EPC1: variants seen among roughly 807,000 people sequenced by gnomAD.
The protein encoded by EPC1 is enhancer of polycomb homolog 1.
A neutral mutation model predicts 98.4 loss-of-function variants in EPC1; 12 were observed. The observed-to-expected ratio is 0.12, with a 90% CI of 0.08 to 0.20. The LOEUF is 0.20. Ranked by LOEUF, EPC1 falls within the 10% of genes least tolerant of loss-of-function variation. EPC1 has a pLI of 1.00. For missense variants in EPC1, 729 were observed against 990.5 expected, an observed-to-expected ratio of 0.74 and a Z score of 3.54; for synonymous variants, 357 against 363.9, an observed-to-expected ratio of 0.98 and a Z score of 0.21.
intron 1 of EPC1, among the ~76,000 whole-genome samples, chr10:32,322,649 C>A (rs1349234424): frequency 6.6e-6 from 1 of 152,038 alleles, no homozygotes; most frequent in Non-Finnish European, 1.5e-5. Context: ...AAAATATAAA[C>A]CTTTAGGATT....
intron 2 of EPC1, among the ~76,000 whole-genome samples, chr10:32,294,103 A>G (rs909190633): frequency 6.6e-6 from 1 of 152,208 alleles, no homozygotes; most frequent in Non-Finnish European, 1.5e-5. Context: ...TCACATAGGC[A>G]ATTTTTATAA....
chr10:32,298,552 AG>A (rs1403182240), intron 2 of EPC1, among the ~76,000 whole-genome samples: 3 of 152,134 alleles, frequency 2.0e-5, no homozygotes, highest in Non-Finnish European at 4.4e-5. Flanking sequence ...GCAGCAGAAA[AG>A]ACTGTTGTGA....
chr10:32,304,510 GACTGCACA>G (rs1398819118), intron 2 of EPC1, among the ~76,000 whole-genome samples: 2 of 152,246 alleles, frequency 1.3e-5, no homozygotes, highest in African/African-American at 4.8e-5. Context: ...AACAAAACGT[GACTGCACA>G]AGTAGACTAG....
chr10:32,370,446 C>A (rs1387415688), intron 1 of EPC1, among the ~76,000 whole-genome samples: 1 of 152,216 alleles, frequency 6.6e-6, no homozygotes, highest in Non-Finnish European at 1.5e-5. Flanking sequence ...GCTAGGATCC[C>A]ATGGACAACT....
intron 1 of EPC1, among the ~76,000 whole-genome samples, chr10:32,319,568 T>G (rs1042260137): frequency 6.6e-6 from 1 of 152,062 alleles, no homozygotes; most frequent in Non-Finnish European, 1.5e-5. Flanking sequence ...AACTTCAATA[T>G]GAGAAAACAT....
At chr10:32,279,169 GA>G (rs1836263982) in intron 10 of EPC1, among the ~76,000 whole-genome samples, 1 of 151,956 alleles carries the variant, frequency 6.6e-6, no homozygotes, top group Non-Finnish European at 1.5e-5. Context: ...CCAATATGGT[GA>G]AACCCCGTCT....
At chr10:32,296,918 AAATTATTAAATAG>A (rs1371265832) in intron 2 of EPC1, among the ~76,000 whole-genome samples, 8 of 152,116 alleles carry the variant, frequency 5.3e-5, no homozygotes, top group African/African-American at 1.9e-4. Flanking sequence ...AAAAAAAAAA[AAATTATTAAATAG>A]GAAGAGTACC....
intron 1 of EPC1, among the ~76,000 whole-genome samples, chr10:32,330,139 T>C (rs750881284): frequency 2.4e-4 from 37 of 152,168 alleles, no homozygotes; most frequent in Admixed American, 2.4e-3. Flanking sequence ...AGTGACACAA[T>C]GAGATTTCCT....
At chr10:32,279,763 G>A (rs754843787) in intron 10 of EPC1, among the ~76,000 whole-genome samples, 2 of 151,976 alleles carry the variant, frequency 1.3e-5, no homozygotes, top group African/African-American at 2.4e-5. Context: ...TGCATAGTCA[G>A]TCACTGAACA....
At chr10:32,319,358 A>G (rs1836744972) in intron 1 of EPC1, among the ~76,000 whole-genome samples, 1 of 152,200 alleles carries the variant, frequency 6.6e-6, no homozygotes. Flanking sequence ...GAAAGTAACA[A>G]GAAGGATGTA....
At position 32,271,679 on chromosome 10, in the gene EPC1, T is replaced by C; in HGVS notation, c.2244A>G (p.Pro748=). Residue 748 remains proline, a synonymous_variant, in exon 13 of 14, where the codon CCA becomes CCG. Coordinates refer to ENST00000319778, the MANE Select transcript of EPC1 (RefSeq NM_001272004.3). The part of the protein sequence containing the change: ...SSVATVNSIA[P]INARHIPRTL... ...TCCTAGGTATATGTCGTGCATTTATTGGGGCAATAGAGTTTACAGTGGCAA... is the reference window on the plus strand; with the variant it reads ...TCCTAGGTATATGTCGTGCATTTATCGGGGCAATAGAGTTTACAGTGGCAA... The C allele has an allele frequency of 6.2e-7, 1 of 1,614,192 alleles. No individual in the cohort carries two copies. The highest frequency in any genetic ancestry group is 1.3e-5 in the African/African-American group (1 of 75,042).
rs757634561 is a variant in EPC1, at chr10:32,293,066, T to G, written c.588A>C (p.Gln196His). The G allele has an allele frequency of 6.2e-7, 1 of 1,613,550 alleles. No individual in the cohort carries two copies. The change falls in exon 4 of 14, where the codon CAA becomes CAC. Residue 196 changes from glutamine (Q) to histidine (H), a missense_variant. Physicochemically the swap from Gln to His is conservative, Grantham distance 24. Coordinates refer to ENST00000319778, the MANE Select transcript of EPC1 (RefSeq NM_001272004.3). ...TTGTGCTGGAACCATCTCGCTTCTC[T>G]TGTTTTACTGATGGAATAAGAGATG... ...RGPSLIPSVK[Q>H]EKRDGSSTND...
chr10:32,306,372 T>C (rs1835877083), intron 1 of EPC1, among the ~76,000 whole-genome samples: 1 of 152,224 alleles, frequency 6.6e-6, no homozygotes, highest in Non-Finnish European at 1.5e-5. Flanking sequence ...ATCAACTAAA[T>C]ATGGTTTCTT....
chr10:32,343,328 A>C (rs1419127824), intron 1 of EPC1, among the ~76,000 whole-genome samples: 1 of 152,146 alleles, frequency 6.6e-6, no homozygotes, highest in Admixed American at 6.6e-5. Flanking sequence ...CTCCTGCCTC[A>C]GCCTCCCGAA....
chr10:32,345,362 G>A (rs1838696191), intron 1 of EPC1: 1 of 985,232 alleles, frequency 1.0e-6, no homozygotes, highest in African/African-American at 1.7e-5. Context: ...ACTTTAAAAG[G>A]TTAAACAACC....
At chr10:32,376,503 T>A (rs1839874958) in intron 1 of EPC1, among the ~76,000 whole-genome samples, 1 of 152,072 alleles carries the variant, frequency 6.6e-6, no homozygotes, top group South Asian at 2.1e-4. Flanking sequence ...AAAACTAGCC[T>A]TGATGGGGCA....
chr10:32,354,086 C>T (rs960464380), intron 1 of EPC1, among the ~76,000 whole-genome samples: 1 of 152,102 alleles, frequency 6.6e-6, no homozygotes, highest in Non-Finnish European at 1.5e-5. Context: ...GAGGTCTGTA[C>T]ATAATCTTTA....
chr10:32,310,369 T>C (rs531398010), intron 1 of EPC1, among the ~76,000 whole-genome samples: 24 of 152,310 alleles, frequency 1.6e-4, no homozygotes, highest in African/African-American at 5.5e-4. Context: ...CCACGTGGGA[T>C]TGTGGTTAAC....
chr10:32,287,360 A>G, intron 6 of EPC1, 86 bp from the exon 7 acceptor site: 1 of 1,341,082 alleles, frequency 7.5e-7, no homozygotes, highest in Non-Finnish European at 1.0e-6. Context: ...AAAGAAGTTT[A>G]TTGCTATAAT....
Sources: allele counts gnomAD v4.1 joint callset (sites outside exome capture counted in the v4.1 genomes callset), GRCh38; gene constraint gnomAD v4.1.1; transcripts MANE v1.5; gene names NCBI Gene and HGNC (gene_info 2026-07-23, HGNC 2026-07-21).